Variants in SI observed in about 807,000 individuals in gnomAD.
SI encodes the protein sucrase-isomaltase.
In SI, 235 loss-of-function variants were observed where a neutral mutation model predicts 253.3. The observed-to-expected ratio is 0.93, with a 90% confidence interval of 0.83 to 1.03. The LOEUF (loss-of-function observed/expected upper bound fraction) is 1.03, where lower values mean the gene tolerates loss of function less well. SI is among the 50% of genes least tolerant of loss of function. SI has a pLI of 0.00. For missense variants in SI, 2,442 were observed against 2,211.1 expected, an observed-to-expected ratio of 1.10 and a Z score of -2.09; for synonymous variants, 819 against 712.0, an observed-to-expected ratio of 1.15 and a Z score of -2.39.
intron 2 of SI, 105 bp downstream of exon 2, chr3:165,075,788 TAA>T: frequency 1.5e-6 from 1 of 674,750 alleles, no homozygotes; most frequent in Non-Finnish European, 2.7e-6. Flanking sequence ...GATTTTTCTA[TAA>T]GTGTTTCATC....
At chr3:165,081,989 A>G (rs1715344691), upstream of SI, among the ~76,000 whole-genome samples, 1 of 152,016 alleles carries the variant, frequency 6.6e-6, no homozygotes, top group African/African-American at 2.4e-5. Flanking sequence ...TTCCAGTCTT[A>G]CACACAGATG....
Position 165,039,087 on chromosome 3 carries a change from A to G in SI, c.2292T>C (p.Asp764=), listed in dbSNP as rs1479535470. ...TGTTAAGGTTACTTACAGATTCATA[A>G]TCATACCAAATAGCATCAGGGATGT... is the stretch of plus-strand genomic sequence containing the variant. ...SAYIPDAIWY[D]YESGAKRPWR... Residue 764 remains aspartate, a synonymous_variant, in exon 20 of 48, where the codon GAT becomes GAC. Coordinates refer to ENST00000264382, the MANE Select transcript of SI (RefSeq NM_001041.4). The G allele has an allele frequency of 6.3e-7, 1 of 1,586,860 alleles. No individual in the cohort carries two copies. Among genetic ancestry groups the G allele is most frequent in the Non-Finnish European group, 8.6e-7 (1 of 1,156,942 alleles).
At chr3:165,025,492 C>T (rs1711863684) in intron 25 of SI, among the ~76,000 whole-genome samples, 1 of 151,108 alleles carries the variant, frequency 6.6e-6, no homozygotes, top group African/African-American at 2.4e-5. Context: ...TACAAGAGAG[C>T]TCAAAGAACA....
chr3:165,042,218 T>C (rs13089592), intron 17 of SI, among the ~76,000 whole-genome samples: 88,287 of 151,918 alleles, frequency 0.58, 26,039 homozygotes, highest in East Asian at 0.81. Context: ...ACACACATTT[T>C]CTGAAAGTAT....
chr3:165,012,339 T>C (rs959846695), intron 34 of SI, among the ~76,000 whole-genome samples: 11 of 152,162 alleles, frequency 7.2e-5, no homozygotes, highest in Non-Finnish European at 1.0e-4. Flanking sequence ...GCCCCTATAG[T>C]TTACGATGAT....
rs1295358184 is a variant in SI, at chr3:164,996,667, A to T, written c.4576-16T>A. 1.4e-6 allele frequency: 2 copies of T among 1,429,860 alleles called. No homozygotes were observed. Among genetic ancestry groups the T allele is most frequent in the African/African-American group, 1.4e-5 (1 of 70,924 alleles). The allele number at this position is 1,429,860 out of a possible 1,614,324, so 88.6% of individuals were successfully genotyped here. Reference sequence around the variant, plus strand: ...CTGCTCCAGTCTAAAATATATTGTTATATTTAGTTAAATTTGAATAGTTTA... The same window carrying T: ...CTGCTCCAGTCTAAAATATATTGTTTTATTTAGTTAAATTTGAATAGTTTA... On this transcript the variant is annotated splice_polypyrimidine_tract_variant and intron_variant, in intron 39 of 47. Coordinates refer to ENST00000264382, the MANE Select transcript of SI (RefSeq NM_001041.4).
intron 26 of SI, 73 bp downstream of exon 26, chr3:165,023,497 T>A (rs1055113007): frequency 4.0e-6 from 4 of 1,003,122 alleles, no homozygotes; most frequent in Admixed American, 1.7e-5. Flanking sequence ...ACATTAAATA[T>A]CAATCACAGG....
intron 22 of SI, among the ~76,000 whole-genome samples, chr3:165,033,674 T>C (rs566007660): frequency 6.6e-6 from 1 of 151,672 alleles, no homozygotes; most frequent in African/African-American, 2.4e-5. Flanking sequence ...CCTTGCTTAT[T>C]TTTTCAAAGA....
intron 4 of SI, 86 bp downstream of exon 4, chr3:165,068,992 T>C (rs1714402863): frequency 1.9e-6 from 2 of 1,070,394 alleles, no homozygotes; most frequent in African/African-American, 3.1e-5. Flanking sequence ...ACATATTTCT[T>C]ATTTGATTCT....
the SI span, among the ~76,000 whole-genome samples, chr3:165,084,043 C>G: frequency 6.6e-6 from 1 of 151,822 alleles, no homozygotes; most frequent in African/African-American, 2.4e-5. Flanking sequence ...AAATTCCTAC[C>G]CTAAAGATGA....
upstream of SI, among the ~76,000 whole-genome samples, chr3:165,080,824 C>A (rs2108127399): frequency 6.6e-6 from 1 of 151,972 alleles, no homozygotes; most frequent in East Asian, 2.0e-4. Context: ...ATGGGTGCAG[C>A]ACTTCAACAT....
At chr3:164,981,703 T>C (rs531530788) in intron 47 of SI, among the ~76,000 whole-genome samples, 1 of 152,246 alleles carries the variant, frequency 6.6e-6, no homozygotes, top group Admixed American at 6.6e-5. Context: ...ATCATTTACT[T>C]GCATTTTTTT....
chr3:165,006,281 T>C (rs1718507538), intron 37 of SI, among the ~76,000 whole-genome samples: 1 of 152,028 alleles, frequency 6.6e-6, no homozygotes. Context: ...GCTAATTTTT[T>C]GTATTTTTAG....
intron 37 of SI, among the ~76,000 whole-genome samples, chr3:165,001,737 A>C (rs1046728490): frequency 6.6e-6 from 1 of 151,478 alleles, no homozygotes; most frequent in Non-Finnish European, 1.5e-5. Flanking sequence ...AGCTATAACT[A>C]AAGTAACTTC....
At chr3:165,067,316 A>G in intron 6 of SI, 24 bp downstream of exon 6, 3 of 1,500,606 alleles carry the variant, frequency 2.0e-6, no homozygotes, top group Non-Finnish European at 2.8e-6. Flanking sequence ...ATAAACTTAT[A>G]TAATTGTAAA....
chr3:165,030,666 C>T (rs753054349), intron 25 of SI, 46 bp downstream of exon 25: 3 of 1,573,452 alleles, frequency 1.9e-6, no homozygotes, highest in Non-Finnish European at 8.7e-7. Flanking sequence ...CACCAAAATG[C>T]TTATGTGATA....
intron 32 of SI, 71 bp from the exon 33 acceptor site, chr3:165,015,304 G>T: frequency 9.7e-7 from 1 of 1,026,014 alleles, no homozygotes; most frequent in Non-Finnish European, 1.5e-6. Context: ...TGATTATGAA[G>T]CATAAGTTTT....
chr3:165,010,646 T>A (rs1380064944), intron 34 of SI, among the ~76,000 whole-genome samples: 1 of 152,216 alleles, frequency 6.6e-6, no homozygotes, highest in African/African-American at 2.4e-5. Flanking sequence ...TTCACTTTTC[T>A]GCTCTTTACA....
chr3:165,020,889 T>C (rs912767789), intron 27 of SI, among the ~76,000 whole-genome samples: 1 of 151,690 alleles, frequency 6.6e-6, no homozygotes, highest in African/African-American at 2.4e-5. Context: ...AATAAAATAT[T>C]TACTTCACTT....
Sources: allele counts gnomAD v4.1 joint callset (sites outside exome capture counted in the v4.1 genomes callset), GRCh38; gene constraint gnomAD v4.1.1; transcripts MANE v1.5; gene names NCBI Gene and HGNC (gene_info 2026-07-23, HGNC 2026-07-21).